Variants in ATRNL1 observed in about 807,000 individuals in gnomAD.
ATRNL1 encodes attractin-like protein 1.
Under a neutral mutation model 182.7 loss-of-function variants are expected in ATRNL1, and 95 were observed. That is an observed-to-expected ratio of 0.52 (90% CI 0.44 to 0.62). ATRNL1 has a LOEUF of 0.62. ATRNL1 is among the 20% of genes least tolerant of loss of function. ATRNL1 has a pLI of 0.00. For synonymous variants in ATRNL1, 576 were observed against 568.3 expected, an observed-to-expected ratio of 1.01 and a Z score of -0.19; for missense variants, 1,471 against 1,679.5, an observed-to-expected ratio of 0.88 and a Z score of 2.17.
chr10:115,355,743 T>C (rs1480004637), intron 19 of ATRNL1, among the ~76,000 whole-genome samples: 2 of 152,134 alleles, frequency 1.3e-5, no homozygotes, highest in Non-Finnish European at 2.9e-5. Flanking sequence ...TTTGTTGGTA[T>C]TATGAATACA....
rs1849561318 is a variant in ATRNL1, at chr10:115,223,714, A to G, written c.1532+7834A>G. Among the ~76,000 whole-genome samples, 3 of 151,754 alleles carry G rather than the reference A, an allele frequency of 2.0e-5. No individual in the cohort carries two copies. The South Asian group carries it at 6.2e-4, about 32-fold the overall frequency. On this transcript the variant is annotated intron_variant, in intron 9 of 28. Transcript: ENST00000355044. ...CAAAGGAACTTTCCCGGAATTTACT[A>G]TATTCTGGGTTTTAATGCAAGTCTT...
intron 26 of ATRNL1, among the ~76,000 whole-genome samples, chr10:115,641,658 C>A (rs1448892090): frequency 6.6e-6 from 1 of 152,010 alleles, no homozygotes; most frequent in Non-Finnish European, 1.5e-5. Flanking sequence ...ACATAATTTT[C>A]TCATAAAACA....
rs782412044 is a variant in ATRNL1 at position 115,286,254 on chromosome 10, G to A, written c.2272G>A (p.Ala758Thr). ...AGAAGGATGGAGTCATATTGGGGAT[G>A]CTTGTCTTAGAGTCAATTCCAGTAG... ...CGEGWSHIGD[A>T]CLRVNSSREN... is the part of the protein sequence containing the mutation. Residue 758 changes from alanine to threonine, a missense_variant, in exon 15 of 29, where the codon GCT becomes ACT. Ala to Thr is a moderately conservative substitution (Grantham distance 58). Around this residue, in one of 3 missense-constraint regions of ATRNL1, gnomAD observed 1,031 missense variants for 1,156.0 expected, o/e 0.89. Coordinates refer to ENST00000355044, the MANE Select transcript of ATRNL1 (RefSeq NM_207303.4). 3.8e-6 allele frequency: 6 copies of A among 1,597,038 alleles called. No homozygotes were observed. The highest frequency in any genetic ancestry group is 4.3e-6 in the Non-Finnish European group (5 of 1,165,818).
At chr10:115,506,074 C>G (rs1737383389) in intron 24 of ATRNL1, among the ~76,000 whole-genome samples, 1 of 151,818 alleles carries the variant, frequency 6.6e-6, no homozygotes, top group African/African-American at 2.4e-5. Flanking sequence ...AATAAAGCCC[C>G]TTTAGTAGTT....
chr10:115,597,059 A>C (rs527327728), intron 26 of ATRNL1, among the ~76,000 whole-genome samples: 2 of 152,206 alleles, frequency 1.3e-5, no homozygotes, highest in Non-Finnish European at 2.9e-5. Flanking sequence ...AAAATATTTC[A>C]GTCCTAAATG....
intron 19 of ATRNL1, among the ~76,000 whole-genome samples, chr10:115,358,437 T>A (rs1412378601): frequency 2.0e-5 from 3 of 151,620 alleles, no homozygotes; most frequent in Non-Finnish European, 4.4e-5. Flanking sequence ...ATCATATCTT[T>A]ATTTTTTTAT....
At chr10:115,272,768 G>A (rs952409399) in intron 13 of ATRNL1, among the ~76,000 whole-genome samples, 1 of 152,122 alleles carries the variant, frequency 6.6e-6, no homozygotes, top group African/African-American at 2.4e-5. Flanking sequence ...ATCATCAAAA[G>A]CCCATTCCAC....
rs189604419 is a variant in ATRNL1 at position 115,330,551 on chromosome 10, G to A, written c.3038-3731G>A. Among the ~76,000 whole-genome samples, 285 of 151,822 alleles carry A rather than the reference G, an allele frequency of 1.9e-3. 4 individuals carry two copies. Among genetic ancestry groups the A allele is most frequent in the African/African-American group, 6.5e-3 (270 of 41,448 alleles). Reference sequence around the variant, plus strand: ...TCTAATTAATAAGTTTGCTCTATACGGTATTCTTGGCAGGCAGTTTTGTTG... The same window carrying A: ...TCTAATTAATAAGTTTGCTCTATACAGTATTCTTGGCAGGCAGTTTTGTTG... On this transcript the variant is annotated intron_variant, in intron 18 of 28. Coordinates refer to ENST00000355044, the MANE Select transcript of ATRNL1 (RefSeq NM_207303.4).
In ATRNL1 at chr10:115,510,468, A is replaced by G. The variant is rs74158362; in HGVS notation, c.3655-8795A>G. Among the ~76,000 whole-genome samples, 321 of 152,088 alleles carry G rather than the reference A, an allele frequency of 2.1e-3. 1 individual carries two copies. Among genetic ancestry groups the G allele is most frequent in the African/African-American group, 7.6e-3 (314 of 41,528 alleles). ...CAGCAGCTGTCAACACTGAGGCAAG[A>G]CCCTCCACCAGCAAAAAGAAAACAT... On this transcript the variant is annotated intron_variant, in intron 24 of 28. Transcript: ENST00000355044.
chr10:115,571,041 T>C (rs1200812119), intron 26 of ATRNL1, among the ~76,000 whole-genome samples: 1 of 152,180 alleles, frequency 6.6e-6, no homozygotes, highest in African/African-American at 2.4e-5. Flanking sequence ...ATGGAGAATC[T>C]TCCACCCCCA....
chr10:115,632,491 C>G (rs1858578255), intron 26 of ATRNL1, among the ~76,000 whole-genome samples: 1 of 151,882 alleles, frequency 6.6e-6, no homozygotes, highest in African/African-American at 2.4e-5. Flanking sequence ...TTAAAAATAC[C>G]TGGTTTATAG....
chr10:115,346,626 C>A (rs1554939798), intron 19 of ATRNL1, among the ~76,000 whole-genome samples: 1 of 152,118 alleles, frequency 6.6e-6, no homozygotes, highest in East Asian at 1.9e-4. Flanking sequence ...ATATAGCTTA[C>A]AAATATCTTT....
intron 25 of ATRNL1, among the ~76,000 whole-genome samples, chr10:115,521,391 G>T (rs896200714): frequency 5.3e-5 from 8 of 152,058 alleles, no homozygotes; most frequent in Non-Finnish European, 8.8e-5. Flanking sequence ...GACCTCAGAT[G>T]ATCTGCCCAC....
chr10:115,151,472 G>T (rs1554880572), intron 5 of ATRNL1, among the ~76,000 whole-genome samples: 1 of 152,204 alleles, frequency 6.6e-6, no homozygotes, highest in Non-Finnish European at 1.5e-5. Context: ...CTGATGGCCA[G>T]TGATGATGAG....
chr10:115,376,547 T>TG (rs1214857680), intron 19 of ATRNL1, among the ~76,000 whole-genome samples: 3 of 152,138 alleles, frequency 2.0e-5, no homozygotes, highest in African/African-American at 4.8e-5. Flanking sequence ...TTTGAAGATA[T>TG]GGGGTCTCGC....
chr10:115,101,553 C>T (rs1273716831), intron 1 of ATRNL1, among the ~76,000 whole-genome samples: 1 of 152,110 alleles, frequency 6.6e-6, no homozygotes, highest in African/African-American at 2.4e-5. Context: ...AGATAAACTT[C>T]CTCTGACACA....
intron 9 of ATRNL1, among the ~76,000 whole-genome samples, chr10:115,223,282 A>G (rs1554897896): frequency 6.6e-6 from 1 of 152,164 alleles, no homozygotes; most frequent in Non-Finnish European, 1.5e-5. Context: ...GTCTCAAAAG[A>G]CAAAAAGAAA....
Position 115,102,909 on chromosome 10 carries a change from A to G in ATRNL1, c.293+8866A>G, listed in dbSNP as rs1843835959. On this transcript the variant is annotated intron_variant, in intron 1 of 28. Coordinates refer to ENST00000355044, the MANE Select transcript of ATRNL1 (RefSeq NM_207303.4). Reference sequence around the variant, plus strand: ...TAGTAAATCATTTTGAGGAGAATTGATATGTAAATAATATTGAATTATCTC... The same window carrying G: ...TAGTAAATCATTTTGAGGAGAATTGGTATGTAAATAATATTGAATTATCTC... Among the ~76,000 whole-genome samples, 3 of 152,124 alleles carry G rather than the reference A, an allele frequency of 2.0e-5. No homozygotes were observed. The East Asian group carries it at 5.8e-4, about 29-fold the overall frequency.
intron 20 of ATRNL1, among the ~76,000 whole-genome samples, chr10:115,406,855 T>G (rs1554958386): frequency 2.0e-5 from 3 of 152,152 alleles, no homozygotes. Context: ...ATTCTTAATT[T>G]TAATATAATC....
Sources: allele counts gnomAD v4.1 joint callset (sites outside exome capture counted in the v4.1 genomes callset), GRCh38; gene constraint gnomAD v4.1.1; regional missense constraint gnomAD v4.1.1; transcripts MANE v1.5; gene names NCBI Gene and HGNC (gene_info 2026-07-23, HGNC 2026-07-21).